Variants in PLEKHA6 observed in about 807,000 individuals in gnomAD.
The protein encoded by PLEKHA6 is pleckstrin homology domain containing A6, also known as pleckstrin homology domain-containing family A member 6.
A neutral mutation model predicts 116.7 loss-of-function variants in PLEKHA6; 60 were observed. That is an observed-to-expected ratio of 0.51 (90% confidence interval 0.42 to 0.64). PLEKHA6 has a LOEUF of 0.64. Ranked by LOEUF, PLEKHA6 falls within the 30% of genes least tolerant of loss-of-function variation. PLEKHA6 has a pLI of 0.00. For missense variants in PLEKHA6, 1,338 were observed against 1,422.7 expected (o/e 0.94, Z 0.96); for synonymous variants, 489 against 556.1 (o/e 0.88, Z 1.70).
At chr1:204,301,433 A>G (rs1394216330) in intron 1 of PLEKHA6, 2 of 985,290 alleles carry the variant, frequency 2.0e-6, no homozygotes, top group East Asian at 1.1e-4. Flanking sequence ...GAGCTGGCGG[A>G]GGCAATGTGT....
At chr1:204,233,935 G>T (rs952089555) in intron 17 of PLEKHA6, among the ~76,000 whole-genome samples, 3 of 152,162 alleles carry the variant, frequency 2.0e-5, no homozygotes, top group Non-Finnish European at 4.4e-5. Flanking sequence ...GAATGTTGGT[G>T]TTAGGTGAAT....
intron 1 of PLEKHA6, among the ~76,000 whole-genome samples, chr1:204,340,727 A>G (rs900732132): frequency 1.3e-4 from 20 of 152,288 alleles, no homozygotes; most frequent in Non-Finnish European, 2.4e-4. Flanking sequence ...GTGGGAGTCT[A>G]TAGAGAGAAA....
At chr1:204,357,169 T>C (rs752049722) in intron 1 of PLEKHA6, among the ~76,000 whole-genome samples, 2 of 152,216 alleles carry the variant, frequency 1.3e-5, no homozygotes, top group Non-Finnish European at 2.9e-5. Flanking sequence ...TCGGCAGATT[T>C]TGATTCAACA....
At chr1:204,247,967 T>A (rs969370554) in intron 12 of PLEKHA6, among the ~76,000 whole-genome samples, 2 of 123,584 alleles carry the variant, frequency 1.6e-5, no homozygotes, top group Non-Finnish European at 1.7e-5. Context: ...AAAAAAAAAA[T>A]TTAAGTGGAG....
chr1:204,313,312 C>T (rs1671733012), intron 1 of PLEKHA6, among the ~76,000 whole-genome samples: 1 of 152,106 alleles, frequency 6.6e-6, no homozygotes, highest in South Asian at 2.1e-4. Flanking sequence ...GCACTTCACA[C>T]AATAGTCAGG....
chr1:204,377,303 C>T (rs942438753), intron 1 of PLEKHA6, among the ~76,000 whole-genome samples: 2 of 152,198 alleles, frequency 1.3e-5, no homozygotes, highest in Admixed American at 1.3e-4. Context: ...CTCCTGGAGG[C>T]CTCGCATGTG....
chr1:204,250,913 A>G (rs1689404901), intron 9 of PLEKHA6, among the ~76,000 whole-genome samples: 1 of 152,198 alleles, frequency 6.6e-6, no homozygotes, highest in South Asian at 2.1e-4. Flanking sequence ...GAGCGACTGC[A>G]GGGTGTGCAG....
At chr1:204,312,810 T>C (rs1353037588) in intron 1 of PLEKHA6, among the ~76,000 whole-genome samples, 1 of 152,184 alleles carries the variant, frequency 6.6e-6, no homozygotes, top group Admixed American at 6.5e-5. Context: ...TCTGAGAAGC[T>C]CTGAAGCATT....
At chr1:204,373,496 A>C (rs1673814142) in intron 1 of PLEKHA6, among the ~76,000 whole-genome samples, 1 of 152,154 alleles carries the variant, frequency 6.6e-6, no homozygotes, top group Non-Finnish European at 1.5e-5. Flanking sequence ...CTGGGATTAC[A>C]GTGTGAACCA....
chr1:204,372,481 G>A (rs1673794306), intron 1 of PLEKHA6, among the ~76,000 whole-genome samples: 1 of 152,120 alleles, frequency 6.6e-6, no homozygotes, highest in Non-Finnish European at 1.5e-5. Flanking sequence ...GGACTCTCAG[G>A]TCACGTGGAT....
At chr1:204,286,402 G>A (rs1669181018) in intron 1 of PLEKHA6, among the ~76,000 whole-genome samples, 1 of 152,142 alleles carries the variant, frequency 6.6e-6, no homozygotes. Context: ...TGACAAGGAG[G>A]AATAGAGTAC....
intron 1 of PLEKHA6, among the ~76,000 whole-genome samples, chr1:204,349,729 T>C (rs2103357517): frequency 6.6e-6 from 1 of 152,210 alleles, no homozygotes; most frequent in South Asian, 2.1e-4. Flanking sequence ...GTTGACTTCA[T>C]AGATCAGAGT....
intron 1 of PLEKHA6, among the ~76,000 whole-genome samples, chr1:204,276,236 C>T (rs1667989688): frequency 1.3e-5 from 2 of 152,148 alleles, no homozygotes; most frequent in East Asian, 1.9e-4. Context: ...ATCTGGGCTT[C>T]GCAGCCCAGG....
intron 16 of PLEKHA6, 54 bp from the exon 17 acceptor site, chr1:204,241,535 G>T: frequency 7.1e-7 from 1 of 1,416,560 alleles, no homozygotes; most frequent in Non-Finnish European, 9.6e-7. Flanking sequence ...AAGGCAGGAA[G>T]CCTCCTTCTC....
At chr1:204,331,624 A>G (rs1558185941) in intron 1 of PLEKHA6, among the ~76,000 whole-genome samples, 1 of 152,234 alleles carries the variant, frequency 6.6e-6, no homozygotes, top group Non-Finnish European at 1.5e-5. Context: ...AAGGGAGAAC[A>G]TAGAAGGTGA....
At chr1:204,274,956 C>A in intron 1 of PLEKHA6, 147 bp from the exon 2 acceptor site, 2 of 562,206 alleles carry the variant, frequency 3.6e-6, no homozygotes, top group African/African-American at 2.4e-5. Flanking sequence ...CCATGGGAGG[C>A]CTGGGCTGAC....
At chr1:204,331,904 G>C (rs933861305) in intron 1 of PLEKHA6, among the ~76,000 whole-genome samples, 1 of 150,548 alleles carries the variant, frequency 6.6e-6, no homozygotes. Context: ...AGAGGCCCCA[G>C]TGTCCATCCC....
intron 16 of PLEKHA6, 95 bp downstream of exon 16, chr1:204,241,590 G>A (rs1225041236): frequency 3.2e-5 from 46 of 1,446,724 alleles, no homozygotes; most frequent in Non-Finnish European, 4.1e-5. Flanking sequence ...AAAAAGCCCA[G>A]GGTGTGGCAC....
intron 1 of PLEKHA6, chr1:204,313,510 A>C (rs1671741325): frequency 1.1e-6 from 1 of 949,018 alleles, no homozygotes; most frequent in Non-Finnish European, 1.3e-6. Flanking sequence ...CCAGGAGTTC[A>C]GAGCTCACAC....
Sources: allele counts gnomAD v4.1 joint callset (sites outside exome capture counted in the v4.1 genomes callset), GRCh38; gene constraint gnomAD v4.1.1; transcripts MANE v1.5; gene names NCBI Gene and HGNC (gene_info 2026-07-23, HGNC 2026-07-21).